The following OAS3 variants were observed in gnomAD, a reference collection of about 807,000 sequenced individuals.
OAS3 encodes 2'-5'-oligoadenylate synthase 3.
Under a neutral mutation model 113.0 loss-of-function variants are expected in OAS3, and 107 were observed. The observed-to-expected ratio is 0.95, with a 90% CI of 0.81 to 1.11. The LOEUF (loss-of-function observed/expected upper bound fraction) is 1.11. Ranked by LOEUF, OAS3 falls within the 50% of genes most tolerant of loss-of-function variation. The pLI, the probability that OAS3 is intolerant of heterozygous loss-of-function variation, is 0.00. For missense variants in OAS3, 1,258 were observed against 1,389.1 expected, an observed-to-expected ratio of 0.91 and a Z score of 1.50; for synonymous variants, 552 against 573.6, an observed-to-expected ratio of 0.96 and a Z score of 0.54.
At chr12:112,961,281 A>G in intron 8 of OAS3, 35 bp downstream of exon 8, 2 of 1,598,298 alleles carry the variant, frequency 1.3e-6, no homozygotes, top group Non-Finnish European at 1.7e-6. Context: ...GGAAGCCACC[A>G]CTGTCATGGC....
intron 14 of OAS3, chr12:112,969,292 A>G (rs986213072): frequency 2.8e-6 from 1 of 362,858 alleles, no homozygotes; most frequent in African/African-American, 2.0e-5. Flanking sequence ...CTCAACCTGT[A>G]TCATGGATGC....
intron 14 of OAS3, among the ~76,000 whole-genome samples, chr12:112,968,598 T>C (rs2043957179): frequency 6.6e-6 from 1 of 152,170 alleles, no homozygotes. Flanking sequence ...ACTGCAACCC[T>C]CCGCCTCCCG....
Position 112,968,192 on chromosome 12 carries a change from A to G in OAS3, c.3104+18A>G, listed in dbSNP as rs772903911. On this transcript the variant is annotated intron_variant, in intron 14 of 15. Coordinates refer to ENST00000228928, the MANE Select transcript of OAS3 (RefSeq NM_006187.4). ...AAGCCCAGGTTCAGGTCTACCCCCA[A>G]TGTTCCAGAATTTCAAACCTGGGAT... The G allele has an allele frequency of 2.0e-5, 32 of 1,597,096 alleles. No individual in the cohort carries two copies. Among genetic ancestry groups the G allele is most frequent in the Admixed American group, 6.8e-5 (4 of 58,550 alleles).
chr12:112,959,236 C>T (rs1257776123), intron 7 of OAS3, among the ~76,000 whole-genome samples: 2 of 152,174 alleles, frequency 1.3e-5, no homozygotes, highest in Non-Finnish European at 2.9e-5. Context: ...TTCCAGGTAC[C>T]ATCTGTCATG....
chr12:112,966,087 G>T (rs370056338), intron 12 of OAS3, 58 bp downstream of exon 12: 1 of 1,578,748 alleles, frequency 6.3e-7, no homozygotes. Context: ...GCCGCCATGG[G>T]CAGTTGTAGA....
rs779162742 is a variant in OAS3 at position 112,944,528 on chromosome 12, C to A, written c.513C>A (p.Leu171=). 1.9e-6 allele frequency: 3 copies of A among 1,614,070 alleles called. No individual in the cohort carries two copies. Among genetic ancestry groups the A allele is most frequent in the Non-Finnish European group, 2.5e-6 (3 of 1,179,906 alleles). Residue 171 remains leucine, a synonymous_variant, in exon 3 of 16, where the codon CTC becomes CTA. Coordinates refer to ENST00000228928, the MANE Select transcript of OAS3 (RefSeq NM_006187.4). ...AGCCACAAGTCTACTCTACCCTCCT[C>A]AACAGTGGCTGCCAAGGGGGCGAGC... ...KPKPQVYSTL[L]NSGCQGGEHA... is the part of the protein sequence containing the mutation.
Position 112,969,632 on chromosome 12 carries a change from C to T in OAS3, c.3129C>T (p.Asp1043=). The T allele has an allele frequency of 6.2e-7, 1 of 1,603,026 alleles. No homozygotes were observed. Among genetic ancestry groups the T allele is most frequent in the Non-Finnish European group, 8.5e-7 (1 of 1,174,732 alleles). ...KPRPIILDPA[D]PTGNLGHNAR... is the part of the protein sequence containing the mutation. ...GGCCTATCATCCTGGATCCGGCTGA[C>T]CCGACAGGCAACCTGGGCCACAATG... Residue 1043 remains aspartate, a synonymous_variant, in exon 15 of 16, where the codon GAC becomes GAT. Transcript: ENST00000228928.
intron 4 of OAS3, among the ~76,000 whole-genome samples, chr12:112,947,247 T>C (rs2043742302): frequency 6.6e-6 from 1 of 152,236 alleles, no homozygotes; most frequent in Non-Finnish European, 1.5e-5. Context: ...CATGTTCTGA[T>C]GACTGTGTGA....
chr12:112,948,528 A>G (rs1464226599), intron 5 of OAS3, among the ~76,000 whole-genome samples: 1 of 148,772 alleles, frequency 6.7e-6, no homozygotes. Flanking sequence ...AAAAATGCAC[A>G]GGGCATCAGG....
rs1485420364 is a variant in OAS3 at position 112,972,059 on chromosome 12, C to T, written c.*2086C>T. 1 of 152,372 alleles carries T rather than the reference C, an allele frequency of 6.6e-6. No individual in the cohort carries two copies. Among genetic ancestry groups the T allele is most frequent in the East Asian group, 1.9e-4 (1 of 5,190 alleles). The allele number at this position is 152,372 out of a possible 1,614,324, so 9.4% of individuals were successfully genotyped here. A position where few individuals can be genotyped will look rare whatever the true frequency, so the allele number is the denominator to read the frequency against. ...GCAGAGACCTGCTCTGCCAAGTTGT[C>T]CAGCAGCAGAGTGGCCCTGGCCTGG... On this transcript the variant is annotated 3_prime_UTR_variant, in exon 16 of 16. Coordinates refer to ENST00000228928, the MANE Select transcript of OAS3 (RefSeq NM_006187.4).
At position 112,972,774 on chromosome 12, in the gene OAS3, T is replaced by C. The variant is rs2043996301; in HGVS notation, c.*2801T>C. On this transcript the variant is annotated 3_prime_UTR_variant, in exon 16 of 16. Transcript: ENST00000228928. ...AGCTAAGTGAGAGAGCCAGAGGGCC[T>C]CCTTGGTGGTAAAAGAGGGTTGCAT... is the stretch of plus-strand genomic sequence containing the variant. The C allele has an allele frequency of 6.6e-6, 1 of 152,122 alleles. No homozygotes were observed. Among genetic ancestry groups the C allele is most frequent in the African/African-American group, 2.4e-5 (1 of 41,410 alleles). 9.4% of individuals were successfully genotyped at this position (152,122 alleles called of 1,614,324 possible).
chr12:112,966,761 C>T (rs145233176), intron 12 of OAS3, among the ~76,000 whole-genome samples: 126 of 152,240 alleles, frequency 8.3e-4, no homozygotes, highest in African/African-American at 2.5e-3. Context: ...CCAGCCCCAG[C>T]GTCCTGAGAA....
rs775190304 is a variant in OAS3, at chr12:112,961,185, T to C, written c.1772T>C (p.Met591Thr). The stretch of plus-strand genomic sequence containing the variant: ...TTCGCAGAGCTGCGGAGGAACTTCA[T>C]GAACATTCGCCCTGTCAAGCTGAAG... ...ACFAELRRNF[M>T]NIRPVKLKNL... is the part of the protein sequence containing the mutation. The change falls in exon 8 of 16, where the codon ATG (methionine) becomes ACG (threonine). Residue 591 changes from methionine to threonine, a missense_variant. By Grantham distance (81) the Met-to-Thr change is moderately conservative. Transcript: ENST00000228928. 6.2e-6 allele frequency: 10 copies of C among 1,613,326 alleles called. No individual in the cohort carries two copies. Among genetic ancestry groups the C allele is most frequent in the Non-Finnish European group, 7.6e-6 (9 of 1,179,906 alleles).
chr12:112,967,625 T>C (rs748457898), intron 13 of OAS3, 32 bp downstream of exon 13: 139 of 1,599,682 alleles, frequency 8.7e-5, no homozygotes, highest in Non-Finnish European at 1.2e-4. Context: ...CCTTCCTAAG[T>C]TGCCCTGGGA....
intron 3 of OAS3, 89 bp downstream of exon 3, chr12:112,944,740 C>T (rs2043712327): frequency 2.2e-6 from 3 of 1,347,602 alleles, no homozygotes; most frequent in Non-Finnish European, 2.1e-6. Context: ...CATTTAGTGG[C>T]CATTCATGTT....
In OAS3 at chr12:112,941,731, C is replaced by A. The variant is rs2043681683; in HGVS notation, c.339C>A (p.Val113=). The A allele has an allele frequency of 1.2e-6, 2 of 1,614,034 alleles. No individual in the cohort carries two copies. Among genetic ancestry groups the A allele is most frequent in the Non-Finnish European group, 1.7e-6 (2 of 1,179,904 alleles). ...TGGAATCCTGGTGGCAGAACCCAGT[C>A]CCTGGTCTGAGACTCACGTTTCCTG... ...ASLESWWQNP[V]PGLRLTFPEQ... is the part of the protein sequence containing the mutation. The change falls in exon 2 of 16, where the codon GTC becomes GTA. Residue 113 remains valine, a synonymous_variant. Transcript: ENST00000228928.
chr12:112,946,680 A>G lies in OAS3; in HGVS notation c.637-63A>G, dbSNP rs2043732353. On this transcript the variant is annotated intron_variant, in intron 3 of 15. Coordinates refer to ENST00000228928, the MANE Select transcript of OAS3 (RefSeq NM_006187.4). ...TGGAAGGTCCCCAGTCTGGTTATGC[A>G]GAGAGCTGGCTCTCTTTCCTCCCCT... 5 of 1,429,916 alleles carry G rather than the reference A, an allele frequency of 3.5e-6. No individual in the cohort carries two copies. The South Asian group carries it at 6.2e-5, about 18-fold the overall frequency. 88.6% of individuals were successfully genotyped at this position (1,429,916 alleles called of 1,614,324 possible).
chr12:112,964,114 G>A (rs2043912695), intron 10 of OAS3, 121 bp from the exon 11 acceptor site: 3 of 1,055,896 alleles, frequency 2.8e-6, no homozygotes, highest in Non-Finnish European at 2.7e-6. Context: ...CACCAGCTGA[G>A]AAGGAAAGAG....
In OAS3 at chr12:112,963,724, C is replaced by G. The variant is rs748747081; in HGVS notation, c.2229+267C>G. Among the ~76,000 whole-genome samples the G allele has an allele frequency of 6.6e-6, 1 of 152,228 alleles. No homozygotes were observed. Among genetic ancestry groups the G allele is most frequent in the African/African-American group, 2.4e-5 (1 of 41,452 alleles). The stretch of plus-strand genomic sequence containing the variant: ...GATGCAACTCACGTTCCAGCGCTCC[C>G]TGTGGAATCAGGCAAACACTTGTCT... On this transcript the variant is annotated intron_variant, in intron 10 of 15. Coordinates refer to ENST00000228928, the MANE Select transcript of OAS3 (RefSeq NM_006187.4). The surrounding 1 kb of genome is among the most constrained non-coding windows in gnomAD (Gnocchi z 4.6).
Sources: gnomAD v4.1 joint callset for allele counts (sites outside exome capture counted in the v4.1 genomes callset) on GRCh38, gnomAD v4.1.1 for gene constraint, Gnocchi (gnomAD v3.1) non-coding constraint, MANE v1.5 for transcripts, NCBI Gene and HGNC (gene_info 2026-07-23, HGNC 2026-07-21) for gene names.